C17orf75: variants seen among roughly 807,000 people sequenced by gnomAD.
C17orf75 encodes protein Njmu-R1.
C17orf75 carries 32 observed loss-of-function variants against 49.6 expected under a neutral mutation model. The ratio of observed to expected loss-of-function variants is 0.65; its 90% CI spans 0.49 to 0.87. The LOEUF (loss-of-function observed/expected upper bound fraction) is 0.87, where lower values mean the gene tolerates loss of function less well. C17orf75 is among the 40% of genes least tolerant of loss of function. The pLI is 0.00. For synonymous variants in C17orf75, 158 were observed against 159.5 expected (o/e 0.99, Z 0.07); for missense variants, 428 against 473.9 (o/e 0.90, Z 0.90).
intron 5 of C17orf75, among the ~76,000 whole-genome samples, chr17:32,335,721 G>A (rs184129366): frequency 6.6e-6 from 1 of 152,232 alleles, no homozygotes; most frequent in East Asian, 1.9e-4. Flanking sequence ...TTTCTTCACA[G>A]GGAAGAGTTG....
Position 32,338,316 on chromosome 17 carries a change from A to C in C17orf75, c.383T>G (p.Leu128Arg), listed in dbSNP as rs1389187579. 1.9e-6 allele frequency: 3 copies of C among 1,610,576 alleles called. No individual in the cohort carries two copies. The highest frequency in any genetic ancestry group is 2.7e-5 in the African/African-American group (2 of 74,738). Residue 128 changes from leucine to arginine, a missense_variant, in exon 4 of 10, where the codon CTT becomes CGT. Coordinates refer to ENST00000577809, the MANE Select transcript of C17orf75 (RefSeq NM_022344.4). ...AGGAAGCAGTTTTTCATTTTGGAAA[A>C]GGCAGTAATAACAACCAACTCGGTA... ...PGYRVGCYYC[L>R]FQNEKLLPET...
chr17:32,344,263 T>C (rs2041407425), upstream of C17orf75: 9 of 317,186 alleles, frequency 2.8e-5, no homozygotes, highest in South Asian at 2.9e-4. Flanking sequence ...CCTCCCGAAG[T>C]GCTGACATTA....
At position 32,329,536 on chromosome 17, in the gene C17orf75, G is replaced by C. The variant is rs2041258136; in HGVS notation, c.*2227C>G. The C allele has an allele frequency of 1.3e-5, 2 of 150,784 alleles. No individual in the cohort carries two copies. The allele number at this position is 150,784 out of a possible 1,614,324, so 9.3% of individuals were successfully genotyped here. A position where few individuals can be genotyped will look rare whatever the true frequency, so the allele number is the denominator to read the frequency against. ...AAAGATAAAATAAGACTATCATATA[G>C]AGCTGTGTAATGTAGTGAGCCTACA... On this transcript the variant is annotated 3_prime_UTR_variant, in exon 10 of 10. Coordinates refer to ENST00000577809, the MANE Select transcript of C17orf75 (RefSeq NM_022344.4).
At chr17:32,341,326 T>C in intron 1 of C17orf75, 42 bp from the exon 2 acceptor site, 1 of 1,606,218 alleles carries the variant, frequency 6.2e-7, no homozygotes, top group East Asian at 2.2e-5. Context: ...TTATGGGCTC[T>C]AAACCAAGAG....
At position 32,338,151 on chromosome 17, in the gene C17orf75, C is replaced by T. The variant is rs770688013; in HGVS notation, c.491+57G>A. 1.8e-5 allele frequency: 29 copies of T among 1,589,922 alleles called. No homozygotes were observed. Among genetic ancestry groups the T allele is most frequent in the Non-Finnish European group, 2.4e-5 (28 of 1,170,664 alleles). On this transcript the variant is annotated intron_variant, in intron 4 of 9. Transcript: ENST00000577809. ...TTTGGAGGTTGGTAGTAATATTCTT[C>T]CACCTGCCTTCCCATGTTTTCCTTC... is the stretch of plus-strand genomic sequence containing the variant.
At chr17:32,343,781 C>A, upstream of C17orf75, 2 of 642,960 alleles carry the variant, frequency 3.1e-6, no homozygotes, top group Non-Finnish European at 5.6e-6. Flanking sequence ...ATTCTGATTG[C>A]GGACAACACA....
chr17:32,341,338 A>G (rs2041378813), intron 1 of C17orf75, 54 bp from the exon 2 acceptor site: 2 of 1,581,488 alleles, frequency 1.3e-6, no homozygotes, highest in South Asian at 1.1e-5. Context: ...AACCAAGAGG[A>G]GTATGGGGGC....
At chr17:32,346,855 C>T (rs1166919702), upstream of C17orf75, among the ~76,000 whole-genome samples, 2 of 152,162 alleles carry the variant, frequency 1.3e-5, no homozygotes, top group Non-Finnish European at 2.9e-5. Flanking sequence ...TATTTTATTG[C>T]TTATTGCTTT....
In C17orf75 at chr17:32,333,355, G is replaced by A. The variant is rs146041075; in HGVS notation, c.975+62C>T. On this transcript the variant is annotated intron_variant, in intron 9 of 9. Transcript: ENST00000577809. ...TAAAGCAATTTGTTACTCTGTCACTGGTACTAATTAAAATTCAGACAAAAA... is the reference window on the plus strand; with the variant it reads ...TAAAGCAATTTGTTACTCTGTCACTAGTACTAATTAAAATTCAGACAAAAA... 174 of 1,149,020 alleles carry A rather than the reference G, an allele frequency of 1.5e-4. No homozygotes were observed. The African/African-American group carries it at 2.5e-3, about 16-fold the overall frequency. The allele number at this position is 1,149,020 out of a possible 1,614,324, so 71.2% of individuals were successfully genotyped here.
At chr17:32,339,537 T>TAATCGGGC (rs1324317537) in intron 3 of C17orf75, among the ~76,000 whole-genome samples, 2 of 151,850 alleles carry the variant, frequency 1.3e-5, no homozygotes, top group Admixed American at 1.3e-4. Context: ...CAGTGAGCTG[T>TAATCGGGC]AATCGGGCCG....
At chr17:32,343,992 A>T (rs1266943606), upstream of C17orf75, 2 of 682,334 alleles carry the variant, frequency 2.9e-6, no homozygotes, top group Middle Eastern at 2.4e-4. Flanking sequence ...AAATTGTGAA[A>T]TATCGTGGGT....
chr17:32,336,512 C>A (rs913070737), intron 5 of C17orf75, among the ~76,000 whole-genome samples: 1 of 152,134 alleles, frequency 6.6e-6, no homozygotes, highest in African/African-American at 2.4e-5. Context: ...CCACACCCAG[C>A]CAGTTTTTCA....
rs2041272055 is a variant in C17orf75 at position 32,331,452 on chromosome 17, G to A, written c.*311C>T. On this transcript the variant is annotated 3_prime_UTR_variant, in exon 10 of 10. Coordinates refer to ENST00000577809, the MANE Select transcript of C17orf75 (RefSeq NM_022344.4). ...TTGCTAAATACTGCAGCAAACTCAG[G>A]CTTTTCCTGAGAAAAGCCACAAACA... The A allele has an allele frequency of 3.6e-6, 1 of 275,928 alleles. No homozygotes were observed. The allele number at this position is 275,928 out of a possible 1,614,324, so 17.1% of individuals were successfully genotyped here.
intron 3 of C17orf75, 85 bp from the exon 4 acceptor site, chr17:32,338,436 C>T (rs1365761969): frequency 3.7e-6 from 5 of 1,338,778 alleles, no homozygotes; most frequent in Middle Eastern, 2.0e-4. Context: ...TTCTGGTCAT[C>T]TTGATCTGGC....
intron 6 of C17orf75, 22 bp downstream of exon 6, chr17:32,335,301 G>A: frequency 6.2e-7 from 1 of 1,611,578 alleles, no homozygotes; most frequent in Non-Finnish European, 8.5e-7. Context: ...TTAAGGAAAT[G>A]CTCTCATTTG....
At chr17:32,333,766 A>G (rs1179102332) in intron 8 of C17orf75, among the ~76,000 whole-genome samples, 1 of 152,060 alleles carries the variant, frequency 6.6e-6, no homozygotes, top group Non-Finnish European at 1.5e-5. Flanking sequence ...ACTGCGCCTG[A>G]CCCATTTATT....
At chr17:32,343,464 G>A (rs796780967), upstream of C17orf75, 1 of 233,240 alleles carries the variant, frequency 4.3e-6, no homozygotes, top group Non-Finnish European at 8.2e-6. Context: ...GATAACAGTT[G>A]AGATCGTTAA....
chr17:32,347,168 C>G (rs1181990839), upstream of C17orf75, among the ~76,000 whole-genome samples: 3 of 152,174 alleles, frequency 2.0e-5, no homozygotes, highest in Non-Finnish European at 4.4e-5. Context: ...GCCATGTTGG[C>G]AAGGCTGGTC....
At chr17:32,343,481 T>G (rs2150780311), upstream of C17orf75, 1 of 245,134 alleles carries the variant, frequency 4.1e-6, no homozygotes, top group South Asian at 1.5e-4. Context: ...TTAAATCCCC[T>G]TCCTGCTTCT....
Sources: gnomAD v4.1 joint callset for allele counts (sites outside exome capture counted in the v4.1 genomes callset) on GRCh38, gnomAD v4.1.1 for gene constraint, MANE v1.5 for transcripts, NCBI Gene and HGNC (gene_info 2026-07-23, HGNC 2026-07-21) for gene names.